COLEC12: variants seen among roughly 807,000 people sequenced by gnomAD.
COLEC12 encodes the protein collectin subfamily member 12.
In COLEC12, 33 loss-of-function variants were observed where a neutral mutation model predicts 71.1. The ratio of observed to expected loss-of-function variants is 0.46; its 90% CI spans 0.35 to 0.62. COLEC12 has a LOEUF of 0.62. COLEC12 is among the 20% of genes least tolerant of loss of function. The probability of loss-of-function intolerance (pLI) is 0.00; values close to 1 mark genes in which losing one functional copy is unlikely to be tolerated. For synonymous variants in COLEC12, 350 were observed against 353.0 expected (o/e 0.99, Z 0.10); for missense variants, 765 against 916.1 (o/e 0.84, Z 2.13).
intron 2 of COLEC12, among the ~76,000 whole-genome samples, chr18:400,566 C>T (rs981003018): frequency 6.6e-6 from 1 of 152,122 alleles, no homozygotes; most frequent in African/African-American, 2.4e-5. Flanking sequence ...GCATTTCAGC[C>T]GTATTGTGCA....
chr18:484,798 T>A (rs944723547), intron 1 of COLEC12, among the ~76,000 whole-genome samples: 1 of 152,194 alleles, frequency 6.6e-6, no homozygotes, highest in Non-Finnish European at 1.5e-5. Flanking sequence ...AGAAAAAGCT[T>A]GGTGCACAGT....
chr18:356,579 G>T (rs1414314059), intron 3 of COLEC12, among the ~76,000 whole-genome samples: 4 of 152,176 alleles, frequency 2.6e-5, no homozygotes, highest in Non-Finnish European at 5.9e-5. Context: ...ACAGCAGAGG[G>T]AAGACCTGAT....
intron 2 of COLEC12, among the ~76,000 whole-genome samples, chr18:404,099 G>A (rs972268602): frequency 2.2e-4 from 33 of 152,142 alleles, no homozygotes; most frequent in Admixed American, 3.9e-4. Flanking sequence ...ACACCATGTC[G>A]CCGATGTGCG....
intron 2 of COLEC12, among the ~76,000 whole-genome samples, chr18:370,647 G>A (rs1914979677): frequency 6.6e-6 from 1 of 152,188 alleles, no homozygotes; most frequent in Admixed American, 6.5e-5. Context: ...AAAACAGCCT[G>A]TGGTAAGAGA....
chr18:394,240 T>A (rs933172457), intron 2 of COLEC12, among the ~76,000 whole-genome samples: 1 of 152,012 alleles, frequency 6.6e-6, no homozygotes, highest in Admixed American at 6.6e-5. Flanking sequence ...AGGACAGGAG[T>A]CCAGAAAGGA....
intron 2 of COLEC12, among the ~76,000 whole-genome samples, chr18:391,922 T>C (rs905672126): frequency 6.6e-6 from 1 of 152,238 alleles, no homozygotes; most frequent in Non-Finnish European, 1.5e-5. Flanking sequence ...GTTCCTACAA[T>C]GATTGTGAAA....
intron 8 of COLEC12, among the ~76,000 whole-genome samples, chr18:330,912 C>T (rs1284343980): frequency 7.2e-6 from 1 of 138,246 alleles, no homozygotes; most frequent in Non-Finnish European, 1.5e-5. Flanking sequence ...TAGAGTCTTG[C>T]TCTGTGGCCC....
At chr18:498,157 T>C (rs1917746957) in intron 1 of COLEC12, among the ~76,000 whole-genome samples, 1 of 152,136 alleles carries the variant, frequency 6.6e-6, no homozygotes, top group Non-Finnish European at 1.5e-5. Context: ...CCTATACTGT[T>C]AGGATTGAAA....
intron 2 of COLEC12, among the ~76,000 whole-genome samples, chr18:393,765 G>A (rs918996344): frequency 2.0e-5 from 3 of 152,130 alleles, no homozygotes; most frequent in Admixed American, 6.5e-5. Context: ...ACACGTCTGT[G>A]CCCTTTGCTA....
At chr18:450,087 A>T (rs1916730065) in intron 2 of COLEC12, among the ~76,000 whole-genome samples, 1 of 152,244 alleles carries the variant, frequency 6.6e-6, no homozygotes, top group African/African-American at 2.4e-5. Flanking sequence ...GCATTAGTGG[A>T]CATTTAAGTT....
In COLEC12 at chr18:500,632, CGT is replaced by C; in HGVS notation, c.-120_-119del. On this transcript the variant is annotated 5_prime_UTR_variant, in exon 1 of 10. Coordinates refer to ENST00000400256, the MANE Select transcript of COLEC12 (RefSeq NM_130386.3). This position sits in a 1 kb window ranked among gnomAD's most constrained non-coding sequence, Gnocchi z 5.3. ...CATGGTAGCCGCGCCGCGCGCCGGCCGTCTGCGCCCCCGTCCTCCCTCGCCGC... is the reference window on the plus strand; with the variant it reads ...CATGGTAGCCGCGCCGCGCGCCGGCCCTGCGCCCCCGTCCTCCCTCGCCGC... 3.6e-6 allele frequency: 3 copies of C among 829,868 alleles called. No individual in the cohort carries two copies. Among genetic ancestry groups the C allele is most frequent in the Non-Finnish European group, 4.7e-6 (3 of 644,132 alleles). The allele number at this position is 829,868 out of a possible 1,614,324, so 51.4% of individuals were successfully genotyped here. A position where few individuals can be genotyped will look rare whatever the true frequency, so the allele number is the denominator to read the frequency against.
chr18:452,936 G>T (rs570124455), intron 2 of COLEC12, among the ~76,000 whole-genome samples: 1 of 152,314 alleles, frequency 6.6e-6, no homozygotes, highest in African/African-American at 2.4e-5. Flanking sequence ...CCTCCCCCAT[G>T]GGAATTGGAA....
chr18:429,968 G>A (rs56332025), intron 2 of COLEC12, among the ~76,000 whole-genome samples: 5,580 of 152,212 alleles, frequency 0.037, 360 homozygotes, highest in African/African-American at 0.13. Flanking sequence ...TTAGGATAGC[G>A]ACTCTGTTTT....
chr18:405,594 G>A (rs953053628), intron 2 of COLEC12, among the ~76,000 whole-genome samples: 1 of 152,202 alleles, frequency 6.6e-6, no homozygotes, highest in Non-Finnish European at 1.5e-5. Context: ...GGTTCCCCCA[G>A]TAGGGTGGGG....
At chr18:413,106 G>T (rs1477865519) in intron 2 of COLEC12, among the ~76,000 whole-genome samples, 1 of 152,166 alleles carries the variant, frequency 6.6e-6, no homozygotes, top group African/African-American at 2.4e-5. Context: ...GAAGATAGAA[G>T]AAGGTATACC....
chr18:344,237 T>C (rs769750302), intron 5 of COLEC12, among the ~76,000 whole-genome samples: 3 of 152,160 alleles, frequency 2.0e-5, no homozygotes, highest in Non-Finnish European at 4.4e-5. Flanking sequence ...CCTGATTGAG[T>C]AGGGGAGCCA....
At chr18:454,785 T>G (rs1916833094) in intron 2 of COLEC12, among the ~76,000 whole-genome samples, 1 of 152,232 alleles carries the variant, frequency 6.6e-6, no homozygotes, top group African/African-American at 2.4e-5. Context: ...TTTCGATTAG[T>G]TTGTTACCTG....
At chr18:376,948 G>C (rs1410962134) in intron 2 of COLEC12, among the ~76,000 whole-genome samples, 92 of 152,230 alleles carry the variant, frequency 6.0e-4, no homozygotes, top group Admixed American at 6.0e-3. Flanking sequence ...TAAAGTACGA[G>C]CTCTTGCCTG....
intron 2 of COLEC12, among the ~76,000 whole-genome samples, chr18:455,604 C>T (rs544724312): frequency 4.1e-4 from 63 of 151,952 alleles, no homozygotes; most frequent in Non-Finnish European, 7.7e-4. Flanking sequence ...GGTTTTAGGC[C>T]CTGCATGCAT....
Sources: allele counts gnomAD v4.1 joint callset (sites outside exome capture counted in the v4.1 genomes callset), GRCh38; gene constraint gnomAD v4.1.1; non-coding constraint Gnocchi (gnomAD v3.1); transcripts MANE v1.5; gene names NCBI Gene and HGNC (gene_info 2026-07-23, HGNC 2026-07-21).